Variants in SENP7 observed in about 807,000 individuals in gnomAD.
The protein encoded by SENP7 is SUMO specific peptidase 7, also known as sentrin-specific protease 7.
A neutral mutation model predicts 141.2 loss-of-function variants in SENP7; 64 were observed. The ratio of observed to expected loss-of-function variants is 0.45; its 90% CI spans 0.37 to 0.56. The LOEUF is 0.56. SENP7 is among the 20% of genes least tolerant of loss of function. The probability of loss-of-function intolerance (pLI) is 0.00; values close to 1 mark genes in which losing one functional copy is unlikely to be tolerated. For missense variants in SENP7, 1,025 were observed against 1,212.2 expected (o/e 0.85, Z 2.29); for synonymous variants, 382 against 426.4 (o/e 0.90, Z 1.28).
intron 11 of SENP7, among the ~76,000 whole-genome samples, chr3:101,354,914 A>G (rs2059700085): frequency 6.6e-6 from 1 of 152,158 alleles, no homozygotes; most frequent in African/African-American, 2.4e-5. Flanking sequence ...AACAATAGCC[A>G]TTCTGACTGG....
chr3:101,468,042 C>A (rs901003382), intron 3 of SENP7, among the ~76,000 whole-genome samples: 1 of 152,030 alleles, frequency 6.6e-6, no homozygotes, highest in Admixed American at 6.6e-5. Flanking sequence ...AACCATGGCA[C>A]GAGAGCTTCG....
intron 12 of SENP7, among the ~76,000 whole-genome samples, chr3:101,350,974 C>T (rs911237497): frequency 2.6e-4 from 39 of 151,900 alleles, no homozygotes; most frequent in African/African-American, 8.7e-4. Flanking sequence ...CCAACTAATC[C>T]AACTAAAGCT....
chr3:101,466,587 G>A (rs1278861136), intron 3 of SENP7, among the ~76,000 whole-genome samples: 1 of 152,072 alleles, frequency 6.6e-6, no homozygotes, highest in African/African-American at 2.4e-5. Context: ...CTACAAAAAT[G>A]CTTAATAGAG....
chr3:101,473,960 G>C (rs974489960), intron 3 of SENP7, among the ~76,000 whole-genome samples: 20 of 152,166 alleles, frequency 1.3e-4, no homozygotes, highest in African/African-American at 4.8e-4. Flanking sequence ...TGGCTAACCA[G>C]TTATCCCAGC....
At chr3:101,443,173 G>C (rs1215087584) in intron 4 of SENP7, among the ~76,000 whole-genome samples, 5 of 152,120 alleles carry the variant, frequency 3.3e-5, no homozygotes, top group African/African-American at 1.2e-4. Flanking sequence ...CATATGGCTA[G>C]CCAGTTTTCC....
intron 5 of SENP7, among the ~76,000 whole-genome samples, chr3:101,402,960 T>C (rs776634894): frequency 1.6e-4 from 25 of 152,188 alleles, no homozygotes; most frequent in Non-Finnish European, 2.6e-4. Flanking sequence ...ACATTTCATA[T>C]AGCTACCACA....
chr3:101,512,643 A>C (rs1034690155), intron 1 of SENP7, among the ~76,000 whole-genome samples: 2 of 152,210 alleles, frequency 1.3e-5, no homozygotes, highest in Admixed American at 1.3e-4. Context: ...CCCCAGCAGC[A>C]GCTACCTGCT....
chr3:101,473,416 T>A (rs2064089705), intron 3 of SENP7, among the ~76,000 whole-genome samples: 1 of 152,222 alleles, frequency 6.6e-6, no homozygotes, highest in East Asian at 1.9e-4. Context: ...GAGTTTTTAA[T>A]AGTAGCAATT....
At chr3:101,361,008 G>A (rs372738685) in intron 11 of SENP7, among the ~76,000 whole-genome samples, 12 of 152,140 alleles carry the variant, frequency 7.9e-5, no homozygotes, top group East Asian at 5.8e-4. Flanking sequence ...GTTCAAGACC[G>A]GCTTGGCGAA....
chr3:101,395,674 G>A (rs1272160268), intron 6 of SENP7, among the ~76,000 whole-genome samples: 1 of 152,138 alleles, frequency 6.6e-6, no homozygotes, highest in Non-Finnish European at 1.5e-5. Context: ...CTTAAGGGAA[G>A]AAAGAACTAA....
rs866063084 is a variant in SENP7, at chr3:101,440,694, A to G, written c.284+18261T>C. On this transcript the variant is annotated intron_variant, in intron 4 of 23. Coordinates refer to ENST00000394095, the MANE Select transcript of SENP7 (RefSeq NM_020654.5). ...ATAATGACAGTATTAGCCTAATACC[A>G]AAACCAGAAAAAGACAGCACAAGAA... Among the ~76,000 whole-genome samples, 3 of 152,240 alleles carry G rather than the reference A, an allele frequency of 2.0e-5. No individual in the cohort carries two copies. In the South Asian group the frequency reaches 6.2e-4, roughly 32 times the overall value.
chr3:101,340,211 C>T lies in SENP7; in HGVS notation c.2241G>A (p.Lys747=). Residue 747 remains lysine, a splice_region_variant and synonymous_variant, in exon 16 of 24, where the codon AAG becomes AAA. Transcript: ENST00000394095. ...TAGGTGGTGGAGGATATACAATCAA[C>T]CTTAAAAGTAAAAATAAAGTTAACA... ...REVRHTGLVQ[K]LIVYPPPPTK... is the part of the protein sequence containing the mutation. The T allele has an allele frequency of 6.3e-7, 1 of 1,584,420 alleles. No homozygotes were observed.
At chr3:101,512,441 A>T (rs78349934) in intron 1 of SENP7, among the ~76,000 whole-genome samples, 438 of 152,368 alleles carry the variant, frequency 2.9e-3, no homozygotes, top group African/African-American at 0.01. Flanking sequence ...CAAAACAAAA[A>T]ATATGCTGAA....
At position 101,504,588 on chromosome 3, in the gene SENP7, C is replaced by A. The variant is rs537845824; in HGVS notation, c.41-3469G>T. Reference sequence around the variant, plus strand: ...TTTTAAATAAGTGATAAGAAAGTATCCTGTAGAAATTCATTTTCTAGTCAA... The same window carrying A: ...TTTTAAATAAGTGATAAGAAAGTATACTGTAGAAATTCATTTTCTAGTCAA... On this transcript the variant is annotated intron_variant, in intron 1 of 23. Transcript: ENST00000394095. Among the ~76,000 whole-genome samples the A allele has an allele frequency of 6.6e-5, 10 of 152,260 alleles. No homozygotes were observed. The South Asian group carries it at 2.1e-3, about 32-fold the overall frequency.
Position 101,463,396 on chromosome 3 carries a change from T to TAC in SENP7, c.187-4346_187-4345dup, listed in dbSNP as rs1553744609. 5.9e-3 allele frequency among the ~76,000 whole-genome samples: 489 copies of TAC among 82,738 alleles called. 2 individuals carry two copies. Among genetic ancestry groups the TAC allele is most frequent in the Non-Finnish European group, 7.9e-3 (348 of 43,822 alleles). 54.3% of individuals were successfully genotyped at this position (82,738 alleles called of 152,430 possible). On this transcript the variant is annotated intron_variant, in intron 3 of 23. Transcript: ENST00000394095. ...ATATATATATATATATATATATATA[T>TAC]ACATATATATATATATATATACACA...
At chr3:101,417,940 T>G in intron 4 of SENP7, 150 bp from the exon 5 acceptor site, 1 of 617,246 alleles carries the variant, frequency 1.6e-6, no homozygotes, top group South Asian at 2.3e-5. Context: ...AATGCCTAAC[T>G]ATTATCAAAG....
chr3:101,407,033 C>A (rs1451046087), intron 5 of SENP7, among the ~76,000 whole-genome samples: 1 of 152,158 alleles, frequency 6.6e-6, no homozygotes. Flanking sequence ...GAGAATTCGC[C>A]ATTACCAAGC....
At chr3:101,441,416 C>G (rs1278779670) in intron 4 of SENP7, among the ~76,000 whole-genome samples, 1 of 152,096 alleles carries the variant, frequency 6.6e-6, no homozygotes, top group African/African-American at 2.4e-5. Context: ...CCCACCCAAT[C>G]TGCTGCCACC....
intron 4 of SENP7, among the ~76,000 whole-genome samples, chr3:101,456,304 G>A (rs993928122): frequency 6.6e-6 from 1 of 151,974 alleles, no homozygotes; most frequent in Non-Finnish European, 1.5e-5. Flanking sequence ...ATTGCCTGTT[G>A]GCTACATCAC....
Sources: gnomAD v4.1 joint callset for allele counts (sites outside exome capture counted in the v4.1 genomes callset) on GRCh38, gnomAD v4.1.1 for gene constraint, MANE v1.5 for transcripts, NCBI Gene and HGNC (gene_info 2026-07-23, HGNC 2026-07-21) for gene names.